Variants in CCSER1 observed in about 807,000 individuals in gnomAD.
The protein encoded by CCSER1 is serine-rich coiled-coil domain-containing protein 1.
CCSER1 carries 41 observed loss-of-function variants against 82.0 expected under a neutral mutation model. That is an observed-to-expected ratio of 0.50 (90% CI 0.39 to 0.65). CCSER1 has a LOEUF of 0.65. CCSER1 is among the 30% of genes least tolerant of loss of function. The probability of loss-of-function intolerance (pLI) is 0.00; values close to 1 mark genes in which losing one functional copy is unlikely to be tolerated. For synonymous variants in CCSER1, 414 were observed against 383.9 expected (o/e 1.08, Z -0.92); for missense variants, 1,119 against 1,064.2 (o/e 1.05, Z -0.72).
chr4:90,829,618 C>T (rs142560147), intron 8 of CCSER1, among the ~76,000 whole-genome samples: 5 of 151,914 alleles, frequency 3.3e-5, no homozygotes, highest in East Asian at 1.9e-4. Context: ...AAAAAGAGAG[C>T]GAGGCAAGTT....
chr4:91,493,708 C>T (rs1376128356), intron 10 of CCSER1, among the ~76,000 whole-genome samples: 1 of 151,526 alleles, frequency 6.6e-6, no homozygotes, highest in Non-Finnish European at 1.5e-5. Flanking sequence ...ATGATTAATT[C>T]ACTATGAATT....
intron 7 of CCSER1, among the ~76,000 whole-genome samples, chr4:90,748,112 T>C (rs1308941071): frequency 6.7e-6 from 1 of 148,340 alleles, no homozygotes; most frequent in African/African-American, 2.5e-5. Flanking sequence ...TGTATACATG[T>C]GCCATGCTGG....
chr4:90,773,400 T>G (rs1580401792), intron 7 of CCSER1, among the ~76,000 whole-genome samples: 1 of 152,222 alleles, frequency 6.6e-6, no homozygotes, highest in African/African-American at 2.4e-5. Context: ...TGAAGACTGC[T>G]AGGGAACCTT....
intron 8 of CCSER1, among the ~76,000 whole-genome samples, chr4:90,897,653 AG>A (rs1257838347): frequency 6.6e-6 from 1 of 152,012 alleles, no homozygotes; most frequent in Admixed American, 6.6e-5. Context: ...AATACCCAGT[AG>A]TGGGGTTGAA....
chr4:90,720,264 C>G (rs1742438757), intron 6 of CCSER1, among the ~76,000 whole-genome samples: 1 of 150,154 alleles, frequency 6.7e-6, no homozygotes, highest in African/African-American at 2.5e-5. Context: ...AGCCATTTCT[C>G]CTAGGAGCCC....
intron 5 of CCSER1, among the ~76,000 whole-genome samples, chr4:90,489,583 C>T (rs990737571): frequency 2.0e-5 from 3 of 152,084 alleles, no homozygotes; most frequent in Non-Finnish European, 2.9e-5. Context: ...AGGTTTGTTA[C>T]ATATGTATAC....
chr4:91,274,877 G>A (rs1013175784), intron 10 of CCSER1, among the ~76,000 whole-genome samples: 8 of 151,948 alleles, frequency 5.3e-5, no homozygotes, highest in South Asian at 2.1e-4. Context: ...AGGCTGAGGC[G>A]GGCGGATCAC....
chr4:90,605,049 T>C (rs1021968222), intron 5 of CCSER1, among the ~76,000 whole-genome samples: 1 of 152,204 alleles, frequency 6.6e-6, no homozygotes, highest in African/African-American at 2.4e-5. Context: ...GCAGTAAATG[T>C]TGCTGCTGCT....
chr4:90,834,879 A>G (rs1341511920), intron 8 of CCSER1, among the ~76,000 whole-genome samples: 2 of 152,322 alleles, frequency 1.3e-5, no homozygotes, highest in Middle Eastern at 3.4e-3. Context: ...CAGAAATTGG[A>G]AGTTACCTGA....
At position 90,586,683 on chromosome 4, in the gene CCSER1, T is replaced by C. The variant is rs140064062; in HGVS notation, c.1725-41342T>C. Among the ~76,000 whole-genome samples the C allele has an allele frequency of 3.8e-3, 582 of 152,324 alleles. 4 individuals are homozygous for C. The highest frequency in any genetic ancestry group is 0.013 in the African/African-American group (554 of 41,590). ...TCATATCTATACTGGACAACATTTC[T>C]TTAGATTACTTTAAATAAAAATCAT... On this transcript the variant is annotated intron_variant, in intron 5 of 10. Transcript: ENST00000509176.
At chr4:90,143,658 T>G (rs1725249796) in intron 1 of CCSER1, among the ~76,000 whole-genome samples, 1 of 151,456 alleles carries the variant, frequency 6.6e-6, no homozygotes, top group South Asian at 2.1e-4. Context: ...CTTCCTAGAA[T>G]CAATTATTTT....
At chr4:91,089,271 A>C (rs557610933) in intron 10 of CCSER1, among the ~76,000 whole-genome samples, 6 of 152,290 alleles carry the variant, frequency 3.9e-5, no homozygotes, top group South Asian at 4.1e-4. Context: ...GTGTCCTTCC[A>C]TACAATGTCT....
chr4:90,630,736 A>G (rs1033519395), intron 6 of CCSER1, among the ~76,000 whole-genome samples: 1 of 151,936 alleles, frequency 6.6e-6, no homozygotes, highest in Admixed American at 6.6e-5. Context: ...TTAAACTTCC[A>G]TTCCCATTTC....
intron 10 of CCSER1, among the ~76,000 whole-genome samples, chr4:91,586,171 C>T (rs112626392): frequency 8.1e-4 from 123 of 151,394 alleles, no homozygotes; most frequent in African/African-American, 2.9e-3. Flanking sequence ...ACAAATGTTA[C>T]TGAAGTATTA....
At chr4:91,434,424 TA>T (rs1386586457) in intron 10 of CCSER1, among the ~76,000 whole-genome samples, 1 of 152,134 alleles carries the variant, frequency 6.6e-6, no homozygotes, top group Admixed American at 6.5e-5. Flanking sequence ...GTTGTTTTTT[TA>T]AAAAACAGAT....
chr4:90,418,716 GT>G (rs1362136261), intron 4 of CCSER1, among the ~76,000 whole-genome samples: 1 of 151,954 alleles, frequency 6.6e-6, no homozygotes, highest in African/African-American at 2.4e-5. Flanking sequence ...TGAAGCATTT[GT>G]TTTAAACTGA....
intron 6 of CCSER1, among the ~76,000 whole-genome samples, chr4:90,657,127 T>A (rs561039188): frequency 9.5e-4 from 144 of 152,230 alleles, no homozygotes; most frequent in Non-Finnish European, 1.5e-3. Context: ...AGTATGGGTG[T>A]GCTGATGATG....
In CCSER1 at chr4:90,231,345, A is replaced by G. The variant is rs200851826; in HGVS notation, c.-41-76899A>G. Among the ~76,000 whole-genome samples the G allele has an allele frequency of 1.8e-3, 268 of 152,166 alleles. 2 individuals are homozygous for G. Among genetic ancestry groups the G allele is most frequent in the African/African-American group, 5.0e-3 (208 of 41,460 alleles). On this transcript the variant is annotated intron_variant, in intron 1 of 10. Coordinates refer to ENST00000509176, the MANE Select transcript of CCSER1 (RefSeq NM_001145065.2). ...CGCAAATCAATAAATGTAATCCAGC[A>G]TATAAACAGAACCAAAGACAAAAAC...
chr4:91,384,081 T>G (rs556724279), intron 10 of CCSER1, among the ~76,000 whole-genome samples: 1 of 152,116 alleles, frequency 6.6e-6, no homozygotes, highest in Non-Finnish European at 1.5e-5. Context: ...ATTTTTTTTG[T>G]GAATGTTTCC....
Sources: allele counts gnomAD v4.1 joint callset (sites outside exome capture counted in the v4.1 genomes callset), GRCh38; gene constraint gnomAD v4.1.1; transcripts MANE v1.5; gene names NCBI Gene and HGNC (gene_info 2026-07-23, HGNC 2026-07-21).